RNF14: variants seen among roughly 807,000 people sequenced by gnomAD.
RNF14 encodes ring finger protein 14.
RNF14 carries 26 observed loss-of-function variants against 52.6 expected under a neutral mutation model. The ratio of observed to expected loss-of-function variants is 0.49; its 90% CI spans 0.36 to 0.69. RNF14 has a LOEUF of 0.69. RNF14 is among the 30% of genes least tolerant of loss of function. RNF14 has a pLI of 0.00. For missense variants in RNF14, 404 were observed against 560.4 expected (o/e 0.72, Z 2.82); for synonymous variants, 194 against 202.0 (o/e 0.96, Z 0.34).
upstream of RNF14, among the ~76,000 whole-genome samples, chr5:141,962,016 C>A (rs768707281): frequency 6.6e-6 from 1 of 152,082 alleles, no homozygotes; most frequent in Non-Finnish European, 1.5e-5. Flanking sequence ...AAGCATCCTC[C>A]GGCTTATCCC....
chr5:141,951,721 G>T, the RNF14 span: 5 of 704,000 alleles, frequency 7.1e-6, no homozygotes, highest in Non-Finnish European at 1.3e-5. Flanking sequence ...TGTGTGATCA[G>T]ATGGGGGATG....
the RNF14 span, chr5:141,951,538 G>T: frequency 8.1e-6 from 13 of 1,614,222 alleles, no homozygotes; most frequent in Non-Finnish European, 1.0e-5. Context: ...TCGGTGGTTT[G>T]GTTTGGGCTG....
chr5:141,955,814 G>C, upstream of RNF14: 1 of 1,613,906 alleles, frequency 6.2e-7, no homozygotes, highest in Non-Finnish European at 8.5e-7. The surrounding 1 kb of genome is among the most constrained non-coding windows in gnomAD (Gnocchi z 5.5). Context: ...GGGCTTCCCT[G>C]GTCCTCTACT....
At chr5:141,969,465 T>C (rs766222923) in intron 1 of RNF14, 1 of 151,762 alleles carries the variant, frequency 6.6e-6, no homozygotes, top group African/African-American at 2.4e-5. Context: ...ATCCCAGCGT[T>C]GGGGCGGATA....
chr5:141,971,983 G>A (rs1329979151), intron 2 of RNF14, among the ~76,000 whole-genome samples: 1 of 152,006 alleles, frequency 6.6e-6, no homozygotes. Context: ...CTAAAATAAT[G>A]GTAAATCTTT....
chr5:141,981,178 TATC>T (rs1754740276), intron 6 of RNF14, among the ~76,000 whole-genome samples: 1 of 152,244 alleles, frequency 6.6e-6, no homozygotes, highest in African/African-American at 2.4e-5. Flanking sequence ...AGGGAACGAA[TATC>T]ATGCTATTCA....
Position 141,983,508 on chromosome 5 carries a change from GA to G in RNF14, c.1193del (p.Glu398GlyfsTer14), listed in dbSNP as rs1596705842. 1 of 1,611,846 alleles carries G rather than the reference GA, an allele frequency of 6.2e-7. No homozygotes were observed. Among genetic ancestry groups the G allele is most frequent in the East Asian group, 2.2e-5 (1 of 44,842 alleles). ...LEEMESKEWL[E>X]KNSKSCPCCG... ...AGAGATGGAAAGTAAGGAGTGGCTA[GA>G]GAAGAACTCAAAGAGCTGCCCATGT... On this transcript the variant is annotated frameshift_variant, in exon 7 of 9. Transcript: ENST00000394520. LOFTEE classifies it high-confidence loss of function.
At chr5:141,955,743 C>T (rs756692974), upstream of RNF14, 7 of 1,614,086 alleles carry the variant, frequency 4.3e-6, no homozygotes, top group South Asian at 1.1e-5. The surrounding 1 kb of genome is among the most constrained non-coding windows in gnomAD (Gnocchi z 5.5). Flanking sequence ...GGGCTGAGTC[C>T]CTCAGGTGGT....
At chr5:141,951,641 C>G in the RNF14 span, 5 of 1,309,884 alleles carry the variant, frequency 3.8e-6, no homozygotes, top group Non-Finnish European at 4.4e-6. Context: ...ACTCAGCACA[C>G]TTCCTCGCCG....
chr5:141,957,398 T>C (rs547258625), upstream of RNF14: 1 of 1,613,556 alleles, frequency 6.2e-7, no homozygotes, highest in Non-Finnish European at 8.5e-7. This position sits in a 1 kb window ranked among gnomAD's most constrained non-coding sequence, Gnocchi z 4.3. Flanking sequence ...GGGATCCGGG[T>C]TCGCAGAGAG....
At chr5:141,971,574 TCTTTCTTTC>T in intron 2 of RNF14, among the ~76,000 whole-genome samples, 1 of 3,822 alleles carries the variant, frequency 2.6e-4, no homozygotes, top group East Asian at 0.05. Flanking sequence ...TTTCTTTCTT[TCTTTCTTTC>T]TTTCTTTCTT....
In RNF14 at chr5:141,989,960, G is replaced by A. The variant is rs1755503902; in HGVS notation, c.*2170G>A. On this transcript the variant is annotated 3_prime_UTR_variant, in exon 9 of 9. Transcript: ENST00000394520. ...AGAAGCCTTTATAATACAGTTTTAT[G>A]AAAGAAATGGGAGCCTTTTTTCCCA... The A allele has an allele frequency of 6.6e-6, 1 of 152,132 alleles. No individual in the cohort carries two copies. The highest frequency in any genetic ancestry group is 6.5e-5 in the Admixed American group (1 of 15,270). The allele number at this position is 152,132 out of a possible 1,614,324, so 9.4% of individuals were successfully genotyped here.
intron 2 of RNF14, 50 bp downstream of exon 2, chr5:141,970,927 G>A (rs1365857067): frequency 1.3e-5 from 2 of 152,288 alleles, no homozygotes; most frequent in Admixed American, 1.3e-4. Context: ...AGATAGGGAT[G>A]CAGCTTAAGC....
Position 141,989,029 on chromosome 5 carries a change from G to A in RNF14, c.*1239G>A, listed in dbSNP as rs555398582. On this transcript the variant is annotated 3_prime_UTR_variant, in exon 9 of 9. Coordinates refer to ENST00000394520, the MANE Select transcript of RNF14 (RefSeq NM_004290.5). ...AAAAATTGAACTACAGCTTGAGAAC[G>A]TATTCTTTTTTTCCTACTTTGTTAT... 5 of 152,378 alleles carry A rather than the reference G, an allele frequency of 3.3e-5. No homozygotes were observed. The South Asian group carries it at 6.2e-4, about 19-fold the overall frequency. The allele number at this position is 152,378 out of a possible 1,614,324, so 9.4% of individuals were successfully genotyped here.
At chr5:141,957,755 T>G, upstream of RNF14, 1 of 1,612,546 alleles carries the variant, frequency 6.2e-7, no homozygotes, top group Non-Finnish European at 8.5e-7. This position sits in a 1 kb window ranked among gnomAD's most constrained non-coding sequence, Gnocchi z 4.3. Flanking sequence ...ACTTGGTATT[T>G]CACCGTGAGA....
At position 141,974,938 on chromosome 5, in the gene RNF14, T is replaced by C; in HGVS notation, c.289T>C (p.Trp97Arg). Residue 97 changes from tryptophan to arginine, a missense_variant, in exon 4 of 9, where the codon TGG (tryptophan) becomes CGG (arginine). Transcript: ENST00000394520. ...ACCTTCATTCACACTTAGTGGCAAA[T>C]GGCTGTCACCAACTCAGGTTAGACT... ...SPPSFTLSGK[W>R]LSPTQLSALC... The C allele has an allele frequency of 6.2e-7, 1 of 1,613,862 alleles. No individual in the cohort carries two copies. The highest frequency in any genetic ancestry group is 1.3e-5 in the African/African-American group (1 of 75,050).
rs756106893 is a variant in RNF14 at position 141,978,699 on chromosome 5, T to C, written c.703T>C (p.Phe235Leu). 1.9e-6 allele frequency: 3 copies of C among 1,614,034 alleles called. No homozygotes were observed. The East Asian group carries it at 6.7e-5, about 36-fold the overall frequency. The change falls in exon 5 of 9, where the codon TTC becomes CTC. Residue 235 changes from phenylalanine to leucine, a missense_variant. Coordinates refer to ENST00000394520, the MANE Select transcript of RNF14 (RefSeq NM_004290.5). ...CEKLGSECMY[F>L]LECRHVYCKA... The stretch of plus-strand genomic sequence containing the variant: ...GAAGCTGGGTAGTGAATGCATGTAC[T>C]TCTTGGAGTGCAGGCATGTGTACTG...
At chr5:141,974,741 C>G (rs930425323) in intron 3 of RNF14, 63 bp from the exon 4 acceptor site, 2 of 1,518,774 alleles carry the variant, frequency 1.3e-6, no homozygotes, top group African/African-American at 2.8e-5. Context: ...GAGCGCTGCT[C>G]AACAGTAGTG....
chr5:141,955,907 G>T (rs767229820), upstream of RNF14: 1 of 1,614,202 alleles, frequency 6.2e-7, no homozygotes, highest in Non-Finnish European at 8.5e-7. This position sits in a 1 kb window ranked among gnomAD's most constrained non-coding sequence, Gnocchi z 5.5. Flanking sequence ...TGAGGGTTGA[G>T]GATGAAGAGG....
Sources: gnomAD v4.1 joint callset for allele counts (sites outside exome capture counted in the v4.1 genomes callset) on GRCh38, gnomAD v4.1.1 for gene constraint, Gnocchi (gnomAD v3.1) non-coding constraint, MANE v1.5 for transcripts, NCBI Gene and HGNC (gene_info 2026-07-23, HGNC 2026-07-21) for gene names.